The following HOXB3 variants were observed in gnomAD, a reference collection of about 807,000 sequenced individuals.
HOXB3 encodes homeobox B3, also known as homeobox protein Hox-B3.
Under a neutral mutation model 29.2 loss-of-function variants are expected in HOXB3, and 17 were observed. That is an observed-to-expected ratio of 0.58 (90% confidence interval 0.40 to 0.87). The LOEUF is 0.87. Ranked by LOEUF, HOXB3 falls within the 40% of genes least tolerant of loss-of-function variation. The pLI is 0.00. For missense variants in HOXB3, 637 were observed against 616.3 expected (o/e 1.03, Z -0.35); for synonymous variants, 317 against 285.9 (o/e 1.11, Z -1.10).
intron 2 of HOXB3, among the ~76,000 whole-genome samples, chr17:48,560,591 C>T (rs2069157446): frequency 6.6e-6 from 1 of 152,222 alleles, no homozygotes; most frequent in African/African-American, 2.4e-5. Flanking sequence ...CCTCCCCTCC[C>T]CTGCTAGCCT....
At chr17:48,573,176 G>A (rs1029999676) in intron 2 of HOXB3, among the ~76,000 whole-genome samples, 1 of 152,158 alleles carries the variant, frequency 6.6e-6, no homozygotes, top group Non-Finnish European at 1.5e-5. Context: ...AGGCTGGGGG[G>A]ACAGAGCAGA....
intron 2 of HOXB3, among the ~76,000 whole-genome samples, chr17:48,572,553 G>C (rs1469115486): frequency 6.6e-6 from 1 of 152,162 alleles, no homozygotes; most frequent in Non-Finnish European, 1.5e-5. Context: ...TTCCCTCCAG[G>C]TGAAATAGTA....
intron 2 of HOXB3, among the ~76,000 whole-genome samples, 176 bp from the exon 3 acceptor site, chr17:48,555,794 G>C (rs948744611): frequency 4.6e-5 from 7 of 152,174 alleles, no homozygotes; most frequent in East Asian, 3.9e-4. Flanking sequence ...CAGGAGGGAG[G>C]GGGTGGGGGA....
intron 1 of HOXB3, among the ~76,000 whole-genome samples, chr17:48,587,095 T>A (rs1038724577): frequency 2.3e-4 from 35 of 152,150 alleles, no homozygotes; most frequent in African/African-American, 8.2e-4. Context: ...ATTTTTGCCC[T>A]TGCTGAGAAC....
intron 1 of HOXB3, among the ~76,000 whole-genome samples, chr17:48,577,627 G>C (rs1052549077): frequency 6.6e-6 from 1 of 152,204 alleles, no homozygotes; most frequent in Admixed American, 6.5e-5. Flanking sequence ...TGGTGAGAAT[G>C]GTGAAGAGGA....
chr17:48,584,991 C>T (rs1447224295), intron 1 of HOXB3, among the ~76,000 whole-genome samples: 1 of 150,598 alleles, frequency 6.6e-6, no homozygotes, highest in Non-Finnish European at 1.5e-5. Context: ...TTTTGACCCT[C>T]CAACTTTGCG....
chr17:48,551,290 A>G, intron 4 of HOXB3, 109 bp from the exon 5 acceptor site: 3 of 1,186,364 alleles, frequency 2.5e-6, no homozygotes, highest in Non-Finnish European at 3.2e-6. Context: ...GCCTGGACTC[A>G]GAGCCCCCGC....
intron 2 of HOXB3, 66 bp from the exon 3 acceptor site, chr17:48,555,684 C>A (rs1304355683): frequency 1.4e-6 from 1 of 692,416 alleles, no homozygotes; most frequent in African/African-American, 1.8e-5. Context: ...CCCGCCCCCG[C>A]CCCGCAAAGC....
intron 1 of HOXB3, chr17:48,580,454 G>A (rs1219647923): frequency 6.6e-6 from 1 of 152,102 alleles, no homozygotes; most frequent in African/African-American, 2.4e-5. Flanking sequence ...AGGAAGAGGC[G>A]GCTGGGTGTG....
At chr17:48,576,911 CCGTGTCAGGTAG>C in intron 1 of HOXB3, 1 of 1,614,256 alleles carries the variant, frequency 6.2e-7, no homozygotes, top group Non-Finnish European at 8.5e-7. Context: ...CCCTCCGGCG[CCGTGTCAGGTAG>C]CGGTTGTAGT....
rs1453513397 is a variant in HOXB3 at position 48,551,137 on chromosome 17, TGCCTCC to T, written c.487_492del (p.Gly163_Gly164del). 3.1e-6 allele frequency: 4 copies of T among 1,308,790 alleles called. No individual in the cohort carries two copies. The highest frequency in any genetic ancestry group is 2.5e-5 in the South Asian group (1 of 40,180). The allele number at this position is 1,308,790 out of a possible 1,614,324, so 81.1% of individuals were successfully genotyped here. On this transcript the variant is annotated inframe_deletion, in exon 5 of 5. Coordinates refer to ENST00000498678, the MANE Select transcript of HOXB3 (RefSeq NM_001384749.1). ...CCGCCACCGCCCCCGCTGCCACCACTGCCTCCGCCGCCGCCGCCACCGCCGCCGCCA... is the reference window on the plus strand; with the variant it reads ...CCGCCACCGCCCCCGCTGCCACCACTGCCGCCGCCGCCACCGCCGCCGCCA...
At chr17:48,558,928 T>G (rs1218941593) in intron 2 of HOXB3, among the ~76,000 whole-genome samples, 5 of 150,176 alleles carry the variant, frequency 3.3e-5, no homozygotes, top group East Asian at 3.9e-4. Flanking sequence ...GTGTGTAGGG[T>G]GTGTGTGTGT....
In HOXB3 at chr17:48,551,113, C is replaced by A. The variant is rs2068718739; in HGVS notation, c.517G>T (p.Gly173Cys). ...GGSGGSGGGG[G>C]GGGGGDKSPP... is the part of the protein sequence containing the mutation. ...CTCTTGTCCCCTCCCCCGCCGCCGCCGCCACCGCCCCCGCTGCCACCACTG... is the reference window on the plus strand; with the variant it reads ...CTCTTGTCCCCTCCCCCGCCGCCGCAGCCACCGCCCCCGCTGCCACCACTG... The change falls in exon 5 of 5, where the codon GGC becomes TGC. Residue 173 changes from glycine to cysteine, a missense_variant. Coordinates refer to ENST00000498678, the MANE Select transcript of HOXB3 (RefSeq NM_001384749.1). 2.2e-6 allele frequency: 3 copies of A among 1,359,946 alleles called. 1 individual carries two copies. The highest frequency in any genetic ancestry group is 2.8e-6 in the Non-Finnish European group (3 of 1,055,000). The allele number at this position is 1,359,946 out of a possible 1,614,324, so 84.2% of individuals were successfully genotyped here. A position where few individuals can be genotyped will look rare whatever the true frequency, so the allele number is the denominator to read the frequency against.
At chr17:48,579,042 T>G (rs1017744199) in intron 1 of HOXB3, 5 of 152,206 alleles carry the variant, frequency 3.3e-5, no homozygotes, top group Non-Finnish European at 7.3e-5. Context: ...GATAGGAAAT[T>G]CATGCACTAA....
intron 1 of HOXB3, chr17:48,578,305 AG>A: frequency 6.2e-7 from 1 of 1,610,112 alleles, no homozygotes; most frequent in Non-Finnish European, 8.5e-7. Flanking sequence ...TGATCAAAAA[AG>A]AACTCATAGC....
At chr17:48,582,327 C>T (rs990879498) in intron 1 of HOXB3, 4 of 152,456 alleles carry the variant, frequency 2.6e-5, no homozygotes, top group Non-Finnish European at 2.9e-5. Flanking sequence ...CGCCGAGCCG[C>T]CCGCGGACGC....
chr17:48,551,445 GCAGA>G (rs980264648), intron 4 of HOXB3, among the ~76,000 whole-genome samples: 4 of 152,134 alleles, frequency 2.6e-5, no homozygotes, highest in Admixed American at 2.6e-4. Flanking sequence ...ATCATGTCAC[GCAGA>G]CAGAGCCGCA....
chr17:48,585,930 G>T (rs2070037610), intron 1 of HOXB3, among the ~76,000 whole-genome samples: 1 of 152,160 alleles, frequency 6.6e-6, no homozygotes, highest in Admixed American at 6.5e-5. Context: ...AAGGCAAAAT[G>T]GTCTGGGGCC....
At chr17:48,584,084 T>C (rs562167424) in intron 1 of HOXB3, among the ~76,000 whole-genome samples, 1 of 152,246 alleles carries the variant, frequency 6.6e-6, no homozygotes, top group African/African-American at 2.4e-5. Flanking sequence ...CCCAGTGTTA[T>C]AATTACTGAG....
Sources: gnomAD v4.1 joint callset for allele counts (sites outside exome capture counted in the v4.1 genomes callset) on GRCh38, gnomAD v4.1.1 for gene constraint, MANE v1.5 for transcripts, NCBI Gene and HGNC (gene_info 2026-07-23, HGNC 2026-07-21) for gene names.